NPHS2: variants seen among roughly 807,000 people sequenced by gnomAD.
NPHS2 encodes NPHS2 stomatin family member, podocin, also known as podocin.
In NPHS2, 36 loss-of-function variants were observed where a neutral mutation model predicts 37.1. That is an observed-to-expected ratio of 0.97 (90% CI 0.74 to 1.28). The LOEUF is 1.28. NPHS2 is among the 50% of genes most tolerant of loss of function. NPHS2 has a pLI of 0.00. For synonymous variants in NPHS2, 196 were observed against 189.3 expected (o/e 1.04, Z -0.29); for missense variants, 447 against 488.1 (o/e 0.92, Z 0.79).
intron 6 of NPHS2, 109 bp from the exon 7 acceptor site, chr1:179,552,790 A>G: frequency 1.2e-6 from 1 of 837,068 alleles, no homozygotes; most frequent in South Asian, 1.4e-5. Flanking sequence ...TGAGTAGCAA[A>G]TTTGGAGTGA....
intron 4 of NPHS2, 61 bp downstream of exon 4, chr1:179,559,618 G>A (rs1674059479): frequency 1.9e-6 from 2 of 1,053,202 alleles, no homozygotes; most frequent in Non-Finnish European, 2.9e-6. Context: ...TAATCATTTT[G>A]TCCACGGTAG....
intron 1 of NPHS2, among the ~76,000 whole-genome samples, chr1:179,568,772 A>G (rs1369809637): frequency 6.6e-6 from 1 of 152,196 alleles, no homozygotes; most frequent in East Asian, 1.9e-4. Context: ...ATTGGTTTCA[A>G]AGAACATCTG....
intron 1 of NPHS2, among the ~76,000 whole-genome samples, chr1:179,574,181 G>A (rs1674670431): frequency 6.6e-6 from 1 of 152,104 alleles, no homozygotes; most frequent in East Asian, 1.9e-4. Context: ...TAGGGACTGA[G>A]GCCCAAAAAG....
At chr1:179,552,509 C>T (rs1673434949) in intron 7 of NPHS2, 94 bp downstream of exon 7, 5 of 955,856 alleles carry the variant, frequency 5.2e-6, no homozygotes, top group Admixed American at 2.0e-5. Flanking sequence ...CTGCCCAGTG[C>T]CTAATGAATG....
At chr1:179,555,894 C>T (rs1488893312) in intron 5 of NPHS2, among the ~76,000 whole-genome samples, 1 of 152,140 alleles carries the variant, frequency 6.6e-6, no homozygotes, top group African/African-American at 2.4e-5. Context: ...TAAAACATAG[C>T]CCCTGCTGCT....
At chr1:179,573,242 T>C (rs1225096018) in intron 1 of NPHS2, among the ~76,000 whole-genome samples, 1 of 152,208 alleles carries the variant, frequency 6.6e-6, no homozygotes, top group Non-Finnish European at 1.5e-5. Context: ...TGCAGATCAC[T>C]TGAAGAAGAG....
At chr1:179,572,359 G>C (rs1674598715) in intron 1 of NPHS2, among the ~76,000 whole-genome samples, 1 of 152,026 alleles carries the variant, frequency 6.6e-6, no homozygotes, top group Admixed American at 6.6e-5. Context: ...AACTTTATGG[G>C]GTAATATTCA....
At position 179,557,017 on chromosome 1, in the gene NPHS2, A is replaced by T; in HGVS notation, c.738+10T>A. 6.2e-7 allele frequency: 1 copy of T among 1,606,010 alleles called. No individual in the cohort carries two copies. Among genetic ancestry groups the T allele is most frequent in the Non-Finnish European group, 8.5e-7 (1 of 1,173,648 alleles). On this transcript the variant is annotated intron_variant, in intron 5 of 7. Transcript: ENST00000367615. ...TTTCAGCATATTGGCCATTATGTTT[A>T]TCTAAGTACCTTTGCATCTTGGGCG...
chr1:179,575,736 G>C lies in NPHS2; in HGVS notation c.129C>G (p.Pro43=), dbSNP rs1257200334. The C allele has an allele frequency of 2.0e-6, 3 of 1,517,858 alleles. No individual in the cohort carries two copies. The highest frequency in any genetic ancestry group is 4.2e-5 in the Admixed American group (2 of 47,384). 94.0% of individuals were successfully genotyped at this position (1,517,858 alleles called of 1,614,324 possible). The change falls in exon 1 of 8, where the codon CCC becomes CCG. Residue 43 remains proline, a synonymous_variant. Transcript: ENST00000367615. The stretch of plus-strand genomic sequence containing the variant: ...CCGCCCGTCCGGAGCCCGACGGCTC[G>C]GGCCCAGCCTCCTGGCGCCCGCGGC... ...GGGRGRQEAG[P]EPSGSGRAGT... is the part of the protein sequence containing the mutation.
intron 1 of NPHS2, among the ~76,000 whole-genome samples, chr1:179,565,185 GA>G (rs1463383530): frequency 1.3e-5 from 2 of 152,162 alleles, no homozygotes; most frequent in Non-Finnish European, 1.5e-5. Context: ...GAGGTGGGAA[GA>G]AAGGTTGAGC....
At chr1:179,552,537 G>A (rs1673438690) in intron 7 of NPHS2, 66 bp downstream of exon 7, 1 of 1,260,436 alleles carries the variant, frequency 7.9e-7, no homozygotes, top group South Asian at 1.2e-5. Flanking sequence ...AGGAAGCAAA[G>A]GGGAAATGTT....
intron 4 of NPHS2, among the ~76,000 whole-genome samples, chr1:179,558,845 G>A (rs1000246305): frequency 7.9e-5 from 12 of 152,126 alleles, no homozygotes; most frequent in African/African-American, 2.9e-4. Context: ...GTGATGCTGA[G>A]CATCTTTTCA....
chr1:179,572,503 A>C (rs1378821680), intron 1 of NPHS2, among the ~76,000 whole-genome samples: 1 of 152,220 alleles, frequency 6.6e-6, no homozygotes, highest in East Asian at 1.9e-4. Context: ...TCTTATTTAC[A>C]GTATGCCCCC....
At chr1:179,561,877 C>T (rs1035711936) in intron 2 of NPHS2, among the ~76,000 whole-genome samples, 1 of 152,072 alleles carries the variant, frequency 6.6e-6, no homozygotes, top group Admixed American at 6.5e-5. Context: ...ATGATCTCGG[C>T]TCACTGCAAC....
At chr1:179,560,152 T>C (rs12096614) in intron 3 of NPHS2, among the ~76,000 whole-genome samples, 1,601 of 152,244 alleles carry the variant, frequency 0.011, 32 homozygotes, top group African/African-American at 0.036. Context: ...TTTGAATCCA[T>C]GAGTGTACCC....
At chr1:179,561,231 T>C in intron 3 of NPHS2, 58 bp downstream of exon 3, 1 of 1,194,010 alleles carries the variant, frequency 8.4e-7, no homozygotes, top group Non-Finnish European at 1.3e-6. Flanking sequence ...TCTGCATGGG[T>C]TGAAGAAATT....
chr1:179,563,850 T>C (rs1358597371), intron 2 of NPHS2, among the ~76,000 whole-genome samples: 1 of 152,196 alleles, frequency 6.6e-6, no homozygotes, highest in Non-Finnish European at 1.5e-5. Flanking sequence ...AAAGAGCTGC[T>C]GCTTGCTGTG....
Position 179,556,425 on chromosome 1 carries a change from C to T in NPHS2, c.738+602G>A, listed in dbSNP as rs143615285. The stretch of plus-strand genomic sequence containing the variant: ...CTGCCTTGGTAAGAATCAAAGCCAC[C>T]GACCCTGGCCGTGAATGAGCTTGCT... On this transcript the variant is annotated intron_variant, in intron 5 of 7. Transcript: ENST00000367615. The surrounding 1 kb of genome is among the most constrained non-coding windows in gnomAD (Gnocchi z 4.1). Among the ~76,000 whole-genome samples, 209 of 152,332 alleles carry T rather than the reference C, an allele frequency of 1.4e-3. No individual in the cohort carries two copies. The highest frequency in any genetic ancestry group is 9.5e-3 in the Admixed American group (145 of 15,312).
chr1:179,570,757 G>A (rs1230070666), intron 1 of NPHS2, among the ~76,000 whole-genome samples: 6 of 152,100 alleles, frequency 3.9e-5, no homozygotes, highest in East Asian at 1.9e-4. Flanking sequence ...GGCTTTGTTC[G>A]TTTCTTTTTA....
Sources: gnomAD v4.1 joint callset for allele counts (sites outside exome capture counted in the v4.1 genomes callset) on GRCh38, gnomAD v4.1.1 for gene constraint, Gnocchi (gnomAD v3.1) non-coding constraint, MANE v1.5 for transcripts, NCBI Gene and HGNC (gene_info 2026-07-23, HGNC 2026-07-21) for gene names.